RNLS: variants seen among roughly 807,000 people sequenced by gnomAD.
The protein encoded by RNLS is renalase, FAD dependent amine oxidase.
In RNLS, 39 loss-of-function variants were observed where a neutral mutation model predicts 39.8. The observed-to-expected ratio is 0.98, with a 90% CI of 0.76 to 1.28. The LOEUF (loss-of-function observed/expected upper bound fraction) is 1.28, where lower values mean the gene tolerates loss of function less well. Among genes scored for constraint, RNLS ranks in the 50% most tolerant of loss-of-function variants. The probability of loss-of-function intolerance (pLI) is 0.00; values close to 1 mark genes in which losing one functional copy is unlikely to be tolerated. For synonymous variants in RNLS, 147 were observed against 150.7 expected (o/e 0.98, Z 0.18); for missense variants, 410 against 413.3 (o/e 0.99, Z 0.07).
At position 88,581,562 on chromosome 10, in the gene RNLS, C is replaced by T. The variant is rs1850560401; in HGVS notation, c.367+5G>A. On this transcript the variant is annotated splice_donor_5th_base_variant and intron_variant, in intron 3 of 6. Transcript: ENST00000331772. ...AAATTTAGGCAGAGAAAATCTTACT[C>T]CCACCTGATTCTTTCAAGTAATGCT... is the stretch of plus-strand genomic sequence containing the variant. 6.3e-7 allele frequency: 1 copy of T among 1,586,222 alleles called. No individual in the cohort carries two copies. The highest frequency in any genetic ancestry group is 8.6e-7 in the Non-Finnish European group (1 of 1,169,186).
At chr10:88,214,485 C>G in the RNLS span, among the ~76,000 whole-genome samples, 8 of 118,356 alleles carry the variant, frequency 6.8e-5, no homozygotes, top group South Asian at 3.0e-4. Context: ...GGTGACAGAG[C>G]GAGACTCCGT....
At chr10:88,230,412 T>A in the RNLS span, among the ~76,000 whole-genome samples, 3 of 152,194 alleles carry the variant, frequency 2.0e-5, no homozygotes, top group African/African-American at 7.2e-5. Context: ...CTCATCCACC[T>A]GAGTCGCCCC....
At chr10:88,178,410 G>C in the RNLS span, among the ~76,000 whole-genome samples, 3 of 151,768 alleles carry the variant, frequency 2.0e-5, no homozygotes, top group Middle Eastern at 3.4e-3. Context: ...GCTCCAGGTA[G>C]CTCCCCAGTA....
At chr10:88,366,663 GA>G (rs774157650) in intron 4 of RNLS, among the ~76,000 whole-genome samples, 67 of 25,836 alleles carry the variant, frequency 2.6e-3, no homozygotes, top group South Asian at 4.4e-3. Context: ...TAAGTTTTCT[GA>G]AAAAAAAAAA....
chr10:88,178,208 C>T, the RNLS span, among the ~76,000 whole-genome samples: 1 of 152,094 alleles, frequency 6.6e-6, no homozygotes, highest in South Asian at 2.1e-4. Flanking sequence ...TGCTGCAGAC[C>T]TTTGGATGAA....
rs757696671 is a variant in RNLS, at chr10:88,548,131, G to A, written c.526+24772C>T. Among the ~76,000 whole-genome samples, 6 of 150,946 alleles carry A rather than the reference G, an allele frequency of 4.0e-5. No homozygotes were observed. The East Asian group carries it at 5.8e-4, about 15-fold the overall frequency. On this transcript the variant is annotated intron_variant, in intron 4 of 6. Coordinates refer to ENST00000331772, the MANE Select transcript of RNLS (RefSeq NM_001031709.3). The stretch of plus-strand genomic sequence containing the variant: ...CAAAAAATTAGCTGGGCATGGTGGC[G>A]TGTGCCTGTAGTCCCAGCTACTCCG...
At chr10:88,578,927 T>C (rs1433417942) in intron 3 of RNLS, among the ~76,000 whole-genome samples, 1 of 152,200 alleles carries the variant, frequency 6.6e-6, no homozygotes, top group Non-Finnish European at 1.5e-5. Flanking sequence ...AAGTATTCAA[T>C]GAATGTTTAT....
At chr10:88,216,155 C>T in the RNLS span, among the ~76,000 whole-genome samples, 1 of 152,168 alleles carries the variant, frequency 6.6e-6, no homozygotes, top group Non-Finnish European at 1.5e-5. Context: ...ATGAATCAAT[C>T]CATTCCTGGG....
At chr10:88,356,855 C>T (rs528820200) in intron 5 of RNLS, among the ~76,000 whole-genome samples, 4 of 151,692 alleles carry the variant, frequency 2.6e-5, no homozygotes, top group African/African-American at 9.7e-5. Context: ...CTCTAGAATT[C>T]AGATAGATTG....
At chr10:88,524,240 C>A (rs1031579801) in intron 4 of RNLS, among the ~76,000 whole-genome samples, 1 of 152,058 alleles carries the variant, frequency 6.6e-6, no homozygotes, top group African/African-American at 2.4e-5. Flanking sequence ...AGCAATAGAA[C>A]CACTGGCGCC....
intron 4 of RNLS, among the ~76,000 whole-genome samples, chr10:88,538,348 C>T (rs1382192717): frequency 6.6e-6 from 1 of 152,106 alleles, no homozygotes; most frequent in Non-Finnish European, 1.5e-5. Context: ...ACTTTGTCGT[C>T]AGAATCAAAT....
chr10:88,332,654 T>C (rs960989119), intron 5 of RNLS, among the ~76,000 whole-genome samples: 1 of 152,214 alleles, frequency 6.6e-6, no homozygotes, highest in Admixed American at 6.5e-5. Flanking sequence ...ATGTGGAAAT[T>C]GTATTCTTGT....
chr10:88,203,368 G>GTATA, the RNLS span, among the ~76,000 whole-genome samples: 4 of 1,768 alleles, frequency 2.3e-3, 1 homozygote, highest in African/African-American at 0.017. Flanking sequence ...GTATGTGTGT[G>GTATA]TATATATATA....
At chr10:88,546,626 G>C (rs969716819) in intron 4 of RNLS, among the ~76,000 whole-genome samples, 1 of 152,076 alleles carries the variant, frequency 6.6e-6, no homozygotes, top group South Asian at 2.1e-4. Flanking sequence ...TTCCGATAAT[G>C]ACAATGGTAA....
At chr10:88,252,978 G>C in the RNLS span, among the ~76,000 whole-genome samples, 2 of 152,182 alleles carry the variant, frequency 1.3e-5, no homozygotes, top group African/African-American at 2.4e-5. Context: ...GAAGGGAATG[G>C]GCTCTGACAC....
the RNLS span, among the ~76,000 whole-genome samples, chr10:88,219,545 C>T: frequency 9.2e-5 from 14 of 152,196 alleles, no homozygotes; most frequent in African/African-American, 1.4e-4. Flanking sequence ...TTGTACTTCC[C>T]GGTTTCTACC....
At chr10:88,263,944 A>G in the RNLS span, among the ~76,000 whole-genome samples, 24 of 152,206 alleles carry the variant, frequency 1.6e-4, no homozygotes, top group East Asian at 4.2e-3. Flanking sequence ...ACTGTACCCA[A>G]TGTGTAGCCT....
intron 4 of RNLS, among the ~76,000 whole-genome samples, chr10:88,364,470 G>T (rs1849887243): frequency 6.6e-6 from 1 of 152,116 alleles, no homozygotes; most frequent in Non-Finnish European, 1.5e-5. Flanking sequence ...GTGAGATTCA[G>T]ATTGGTTAAC....
At chr10:88,561,566 G>C (rs1052531932) in intron 4 of RNLS, among the ~76,000 whole-genome samples, 3 of 151,952 alleles carry the variant, frequency 2.0e-5, no homozygotes, top group Admixed American at 6.6e-5. Flanking sequence ...TCCATATAAA[G>C]ATTTTAATGT....
Sources: gnomAD v4.1 joint callset for allele counts (sites outside exome capture counted in the v4.1 genomes callset) on GRCh38, gnomAD v4.1.1 for gene constraint, MANE v1.5 for transcripts, NCBI Gene and HGNC (gene_info 2026-07-23, HGNC 2026-07-21) for gene names.